The following ST6GALNAC3 variants were observed in gnomAD, a reference collection of about 807,000 sequenced individuals.
ST6GALNAC3 encodes the protein ST6 N-acetylgalactosaminide alpha-2,6-sialyltransferase 3.
In ST6GALNAC3, 25 loss-of-function variants were observed where a neutral mutation model predicts 32.7. The observed-to-expected ratio is 0.76, with a 90% CI of 0.56 to 1.07. The LOEUF is 1.07. Among genes scored for constraint, ST6GALNAC3 ranks in the 50% least tolerant of loss-of-function variants. The probability of loss-of-function intolerance (pLI) is 0.00; values close to 1 mark genes in which losing one functional copy is unlikely to be tolerated. For missense variants in ST6GALNAC3, 355 were observed against 382.4 expected (o/e 0.93, Z 0.60); for synonymous variants, 129 against 133.1 (o/e 0.97, Z 0.21).
intron 3 of ST6GALNAC3, among the ~76,000 whole-genome samples, chr1:76,421,396 A>G (rs1391127168): frequency 6.6e-6 from 1 of 152,072 alleles, no homozygotes; most frequent in African/African-American, 2.4e-5. Flanking sequence ...CCTCAAATAC[A>G]GGTTTCCATT....
At chr1:76,107,366 T>C (rs867697637) in intron 1 of ST6GALNAC3, among the ~76,000 whole-genome samples, 1 of 151,694 alleles carries the variant, frequency 6.6e-6, no homozygotes, top group African/African-American at 2.4e-5. Context: ...CTCATTTCAC[T>C]GAGAAGGAAT....
chr1:76,518,209 T>A (rs929840559), intron 3 of ST6GALNAC3, among the ~76,000 whole-genome samples: 4 of 152,056 alleles, frequency 2.6e-5, no homozygotes, highest in African/African-American at 9.7e-5. Context: ...TAATATTTTT[T>A]AATTATTTTC....
chr1:76,258,421 T>C (rs758130097), intron 1 of ST6GALNAC3, among the ~76,000 whole-genome samples: 20 of 152,288 alleles, frequency 1.3e-4, no homozygotes, highest in Middle Eastern at 3.4e-3. Context: ...CCTCAGCTCT[T>C]TAAAGAAATG....
At chr1:76,546,050 A>C (rs535329842) in intron 3 of ST6GALNAC3, among the ~76,000 whole-genome samples, 1 of 152,328 alleles carries the variant, frequency 6.6e-6, no homozygotes, top group African/African-American at 2.4e-5. Context: ...TGTTGTAATT[A>C]TATGAAAAGT....
At chr1:76,196,622 T>C (rs962387154) in intron 1 of ST6GALNAC3, among the ~76,000 whole-genome samples, 2 of 152,030 alleles carry the variant, frequency 1.3e-5, no homozygotes, top group East Asian at 1.9e-4. Flanking sequence ...TGTGCCACCA[T>C]GCCCGGCTAA....
intron 2 of ST6GALNAC3, among the ~76,000 whole-genome samples, chr1:76,369,745 G>A (rs1204125519): frequency 6.6e-6 from 1 of 152,122 alleles, no homozygotes; most frequent in African/African-American, 2.4e-5. Flanking sequence ...ACACATAACA[G>A]TGCATAACTT....
intron 1 of ST6GALNAC3, among the ~76,000 whole-genome samples, chr1:76,075,628 T>C (rs1195436542): frequency 6.6e-6 from 1 of 152,160 alleles, no homozygotes; most frequent in Non-Finnish European, 1.5e-5. Context: ...CACAGACTTG[T>C]GGCCTCAGGT....
At chr1:76,250,125 T>C (rs1657526607) in intron 1 of ST6GALNAC3, among the ~76,000 whole-genome samples, 1 of 152,318 alleles carries the variant, frequency 6.6e-6, no homozygotes, top group East Asian at 1.9e-4. Context: ...TATTTATTTA[T>C]TTATTTGTGT....
intron 1 of ST6GALNAC3, among the ~76,000 whole-genome samples, chr1:76,311,996 C>T (rs1367481151): frequency 6.6e-6 from 1 of 152,146 alleles, no homozygotes; most frequent in Non-Finnish European, 1.5e-5. Context: ...GATGGTATCT[C>T]ACTGTGGTTT....
At chr1:76,251,566 A>C (rs1172885976) in intron 1 of ST6GALNAC3, among the ~76,000 whole-genome samples, 2 of 151,978 alleles carry the variant, frequency 1.3e-5, no homozygotes, top group Non-Finnish European at 2.9e-5. Flanking sequence ...TCCCTGAAAT[A>C]CCCTTTCTTT....
intron 2 of ST6GALNAC3, among the ~76,000 whole-genome samples, chr1:76,337,491 C>T (rs922774555): frequency 2.6e-5 from 4 of 152,120 alleles, no homozygotes; most frequent in African/African-American, 9.7e-5. Flanking sequence ...GTCCTCCATT[C>T]GGGGGTGTCT....
chr1:76,268,421 G>C (rs1373908180), intron 1 of ST6GALNAC3, among the ~76,000 whole-genome samples: 1 of 152,158 alleles, frequency 6.6e-6, no homozygotes, highest in Non-Finnish European at 1.5e-5. Flanking sequence ...CCAGAGCCAG[G>C]GGGACTGAGA....
At chr1:76,490,398 C>T (rs1339964464) in intron 3 of ST6GALNAC3, among the ~76,000 whole-genome samples, 1 of 151,072 alleles carries the variant, frequency 6.6e-6, no homozygotes, top group African/African-American at 2.4e-5. Flanking sequence ...TCTCCTTAGA[C>T]ACTTCAATTT....
At chr1:76,332,910 G>A (rs936673930) in intron 2 of ST6GALNAC3, among the ~76,000 whole-genome samples, 1 of 151,956 alleles carries the variant, frequency 6.6e-6, no homozygotes, top group African/African-American at 2.4e-5. Flanking sequence ...TCTTGTTGGT[G>A]TGCTCAGGTT....
chr1:76,274,025 A>G (rs367669415), intron 1 of ST6GALNAC3, among the ~76,000 whole-genome samples: 4 of 151,560 alleles, frequency 2.6e-5, no homozygotes, highest in Non-Finnish European at 5.9e-5. Context: ...AGAGAAAAAG[A>G]CCAGCCATAA....
intron 1 of ST6GALNAC3, among the ~76,000 whole-genome samples, chr1:76,118,106 G>A (rs573125622): frequency 2.1e-4 from 32 of 152,166 alleles, no homozygotes; most frequent in Admixed American, 4.6e-4. Context: ...CCCTGCATGC[G>A]TTAGTTATTT....
intron 3 of ST6GALNAC3, among the ~76,000 whole-genome samples, chr1:76,566,073 A>G (rs1263979654): frequency 6.6e-6 from 1 of 152,200 alleles, no homozygotes; most frequent in African/African-American, 2.4e-5. Context: ...AGAAAAGAGG[A>G]CATCTTTGGC....
intron 2 of ST6GALNAC3, among the ~76,000 whole-genome samples, chr1:76,386,013 T>C (rs1652066118): frequency 6.6e-6 from 1 of 152,152 alleles, no homozygotes; most frequent in Non-Finnish European, 1.5e-5. Context: ...CTTGTCTGCA[T>C]AGTCACCTTA....
chr1:76,535,322 A>G (rs1375360249), intron 3 of ST6GALNAC3, among the ~76,000 whole-genome samples: 1 of 152,204 alleles, frequency 6.6e-6, no homozygotes, highest in Non-Finnish European at 1.5e-5. Context: ...TTTGGAAGTT[A>G]TCACAGTTAT....
Sources: allele counts gnomAD v4.1 joint callset (sites outside exome capture counted in the v4.1 genomes callset), GRCh38; gene constraint gnomAD v4.1.1; transcripts MANE v1.5; gene names NCBI Gene and HGNC (gene_info 2026-07-23, HGNC 2026-07-21).